The following TPCN2 variants were observed in gnomAD, a reference collection of about 807,000 sequenced individuals.
TPCN2 encodes two pore channel protein 2.
TPCN2 carries 92 observed loss-of-function variants against 111.4 expected under a neutral mutation model. The ratio of observed to expected loss-of-function variants is 0.83; its 90% CI spans 0.70 to 0.98. The LOEUF is 0.98. TPCN2 is among the 50% of genes least tolerant of loss of function. The probability of loss-of-function intolerance (pLI) is 0.00; values close to 1 mark genes in which losing one functional copy is unlikely to be tolerated. For synonymous variants in TPCN2, 405 were observed against 414.5 expected (o/e 0.98, Z 0.28); for missense variants, 995 against 980.1 (o/e 1.02, Z -0.20).
intron 4 of TPCN2, among the ~76,000 whole-genome samples, chr11:69,056,175 C>CGT (rs1854756129): frequency 6.6e-6 from 1 of 152,218 alleles, no homozygotes; most frequent in Non-Finnish European, 1.5e-5. Flanking sequence ...TGGCTGCAGC[C>CGT]CTCCTCAGCG....
chr11:69,082,054 A>G (rs1856036976), intron 18 of TPCN2, among the ~76,000 whole-genome samples: 1 of 152,112 alleles, frequency 6.6e-6, no homozygotes, highest in Non-Finnish European at 1.5e-5. Context: ...CCTAAGACCC[A>G]TGTTCTGAGT....
At chr11:69,080,839 G>A (rs369176305) in intron 17 of TPCN2, among the ~76,000 whole-genome samples, 2 of 152,332 alleles carry the variant, frequency 1.3e-5, no homozygotes, top group South Asian at 2.1e-4. Flanking sequence ...CATTACCTTG[G>A]GGGGCTGACA....
Position 69,081,410 on chromosome 11 carries a change from A to G in TPCN2, c.1600A>G (p.Met534Val), listed in dbSNP as rs1856004528. 4 of 1,554,136 alleles carry G rather than the reference A, an allele frequency of 2.6e-6. No individual in the cohort carries two copies. The highest frequency in any genetic ancestry group is 2.7e-5 in the African/African-American group (2 of 73,560). The change falls in exon 18 of 25, where the codon ATG (methionine) becomes GTG (valine). Residue 534 changes from methionine (M) to valine (V), a missense_variant. Transcript: ENST00000294309. ...RLPHPGWRPE[M>V]VGLLSLWDMT... ...CGTGTCTCTCCCCAGGAGGCCGGAG[A>G]TGGTGGGCCTGCTGTCGCTGTGGGA...
At position 69,079,890 on chromosome 11, in the gene TPCN2, G is replaced by A; in HGVS notation, c.1589+7G>A. 1 of 1,613,658 alleles carries A rather than the reference G, an allele frequency of 6.2e-7. No homozygotes were observed. Among genetic ancestry groups the A allele is most frequent in the Non-Finnish European group, 8.5e-7 (1 of 1,179,888 alleles). On this transcript the variant is annotated splice_region_variant and intron_variant, in intron 17 of 24. Transcript: ENST00000294309. ...GATTGCCACACCCAGGCTGGTATGTGACTGGGCAGAACCGAGGGCGGCTAC... is the reference window on the plus strand; with the variant it reads ...GATTGCCACACCCAGGCTGGTATGTAACTGGGCAGAACCGAGGGCGGCTAC...
chr11:69,067,655 G>T (rs761032822), intron 8 of TPCN2, 50 bp downstream of exon 8: 12 of 1,576,268 alleles, frequency 7.6e-6, no homozygotes, highest in Admixed American at 1.7e-5. Context: ...GCCCAGCACT[G>T]GGGGGCCGGT....
chr11:69,049,739 C>G (rs1861133421), intron 1 of TPCN2, among the ~76,000 whole-genome samples: 1 of 152,210 alleles, frequency 6.6e-6, no homozygotes, highest in South Asian at 2.1e-4. Context: ...AGAGTCCCCT[C>G]TGCACTCCCT....
intron 7 of TPCN2, among the ~76,000 whole-genome samples, chr11:69,064,372 C>T (rs531460478): frequency 1.4e-5 from 2 of 145,054 alleles, no homozygotes; most frequent in African/African-American, 5.1e-5. Flanking sequence ...CAGCCCTGTT[C>T]ATCCTTCCTG....
intron 3 of TPCN2, 37 bp from the exon 4 acceptor site, chr11:69,055,138 T>C (rs773165448): frequency 1.2e-6 from 2 of 1,604,310 alleles, no homozygotes; most frequent in Admixed American, 1.7e-5. Context: ...TGAGGGCTGC[T>C]GGCTCCTGTG....
At chr11:69,087,312 C>G in intron 24 of TPCN2, 106 bp downstream of exon 24, 1 of 909,946 alleles carries the variant, frequency 1.1e-6, no homozygotes, top group Non-Finnish European at 1.7e-6. Context: ...GACTGTCCTC[C>G]CCCTCCGCCC....
chr11:69,079,078 G>T (rs1480651879), intron 16 of TPCN2, 58 bp downstream of exon 16: 3 of 1,558,336 alleles, frequency 1.9e-6, no homozygotes, highest in Non-Finnish European at 2.6e-6. Context: ...GCGCCACCTG[G>T]GCTCTGTGCT....
intron 1 of TPCN2, among the ~76,000 whole-genome samples, chr11:69,051,644 T>C (rs2134508470): frequency 6.6e-6 from 1 of 152,358 alleles, no homozygotes; most frequent in East Asian, 1.9e-4. Flanking sequence ...CAGCCCCTGC[T>C]GTCCTCTGTG....
At chr11:69,079,113 G>C (rs1590744869) in intron 16 of TPCN2, 93 bp downstream of exon 16, 1 of 1,454,952 alleles carries the variant, frequency 6.9e-7, no homozygotes, top group Non-Finnish European at 9.2e-7. Context: ...CTCCCCTGAG[G>C]ACTAGAGGCT....
chr11:69,053,963 T>TC, intron 1 of TPCN2, 70 bp from the exon 2 acceptor site: 2 of 1,350,224 alleles, frequency 1.5e-6, no homozygotes, highest in Non-Finnish European at 2.1e-6. Context: ...CTTTCCTTGA[T>TC]CACGGGTATC....
At position 69,062,649 on chromosome 11, in the gene TPCN2, C is replaced by T. The variant is rs148741837; in HGVS notation, c.547-235C>T. Among the ~76,000 whole-genome samples, 33 of 152,064 alleles carry T rather than the reference C, an allele frequency of 2.2e-4. No individual in the cohort carries two copies. The East Asian group carries it at 6.2e-3, about 29-fold the overall frequency. ...TTGGGGAACCTGTGTGTGCAGCGCC[C>T]AGGAGTTGGGAGATGGGTAGTGGGG... On this transcript the variant is annotated intron_variant, in intron 5 of 24. Transcript: ENST00000294309.
At chr11:69,058,186 G>C (rs1854859658) in intron 5 of TPCN2, among the ~76,000 whole-genome samples, 1 of 152,226 alleles carries the variant, frequency 6.6e-6, no homozygotes, top group Non-Finnish European at 1.5e-5. Flanking sequence ...GGCTTTGCGA[G>C]AATAGAGCTG....
At chr11:69,075,262 G>A (rs745539515) in intron 13 of TPCN2, among the ~76,000 whole-genome samples, 5 of 152,184 alleles carry the variant, frequency 3.3e-5, no homozygotes, top group South Asian at 2.1e-4. Context: ...AGGGGAGGCC[G>A]TTGCCCCTCG....
chr11:69,072,400 A>T (rs1408884626), intron 11 of TPCN2, among the ~76,000 whole-genome samples: 1 of 151,656 alleles, frequency 6.6e-6, no homozygotes, highest in Non-Finnish European at 1.5e-5. Flanking sequence ...GGGACATTGC[A>T]GTGGAAAGTT....
At chr11:69,082,927 G>A (rs1227290205) in intron 18 of TPCN2, among the ~76,000 whole-genome samples, 3 of 150,734 alleles carry the variant, frequency 2.0e-5, no homozygotes, top group Admixed American at 6.6e-5. Context: ...ACTCGTGCCC[G>A]TGTAAGATGC....
intron 13 of TPCN2, among the ~76,000 whole-genome samples, chr11:69,077,647 A>G (rs11228482): frequency 0.44 from 66,345 of 152,012 alleles, 14,889 homozygotes; most frequent in Non-Finnish European, 0.5. Context: ...ACCTGGGGAA[A>G]CAGTTGCTTT....
Sources: gnomAD v4.1 joint callset for allele counts (sites outside exome capture counted in the v4.1 genomes callset) on GRCh38, gnomAD v4.1.1 for gene constraint, MANE v1.5 for transcripts, NCBI Gene and HGNC (gene_info 2026-07-23, HGNC 2026-07-21) for gene names.